The following ACSS3 variants were observed in gnomAD, a reference collection of about 807,000 sequenced individuals.
ACSS3 encodes the protein acyl-CoA synthetase short-chain family member 3, mitochondrial.
In ACSS3, 64 loss-of-function variants were observed where a neutral mutation model predicts 84.2. The observed-to-expected ratio is 0.76, with a 90% confidence interval of 0.62 to 0.94. The LOEUF (loss-of-function observed/expected upper bound fraction) is 0.94, where lower values mean the gene tolerates loss of function less well. ACSS3 is among the 40% of genes least tolerant of loss of function. The pLI is 0.00. For synonymous variants in ACSS3, 317 were observed against 310.1 expected, an observed-to-expected ratio of 1.02 and a Z score of -0.23; for missense variants, 815 against 867.6, an observed-to-expected ratio of 0.94 and a Z score of 0.76.
chr12:81,111,773 T>C (rs1300046772), intron 2 of ACSS3, among the ~76,000 whole-genome samples: 2 of 152,150 alleles, frequency 1.3e-5, no homozygotes, highest in African/African-American at 4.8e-5. Context: ...GTGACTTGCC[T>C]AAACAACCAG....
intron 9 of ACSS3, among the ~76,000 whole-genome samples, chr12:81,199,982 C>T (rs918069546): frequency 2.0e-5 from 3 of 152,192 alleles, no homozygotes; most frequent in Admixed American, 2.0e-4. Flanking sequence ...GCATTAAAGG[C>T]AGAGAAATTT....
chr12:81,200,266 A>C (rs10862262), intron 9 of ACSS3, among the ~76,000 whole-genome samples: 27,180 of 152,098 alleles, frequency 0.18, 2,759 homozygotes, highest in East Asian at 0.39. Flanking sequence ...AATTTGACTC[A>C]CTGAAAGCAG....
chr12:81,121,417 C>T (rs1275151540), intron 2 of ACSS3, among the ~76,000 whole-genome samples: 4 of 151,708 alleles, frequency 2.6e-5, no homozygotes, highest in Non-Finnish European at 5.9e-5. Context: ...TCTAAGAAAC[C>T]AATTTGGCTT....
intron 1 of ACSS3, among the ~76,000 whole-genome samples, chr12:81,104,591 G>T (rs950596657): frequency 6.6e-6 from 1 of 152,062 alleles, no homozygotes; most frequent in African/African-American, 2.4e-5. Flanking sequence ...ACCCAGCCAT[G>T]TGGGAGGACA....
Position 81,135,988 on chromosome 12 carries a change from A to G in ACSS3, c.645+984A>G, listed in dbSNP as rs1329087365. ...AATAACTAATTTGTTCATTCAACAT[A>G]TATTTTATTAAGCTCCTGCTATGTT... On this transcript the variant is annotated intron_variant, in intron 3 of 15. Transcript: ENST00000548058. Among the ~76,000 whole-genome samples, 5 of 152,270 alleles carry G rather than the reference A, an allele frequency of 3.3e-5. No homozygotes were observed. In the South Asian group the frequency reaches 8.3e-4, roughly 25 times the overall value.
intron 8 of ACSS3, among the ~76,000 whole-genome samples, chr12:81,195,145 C>G (rs1272852038): frequency 6.6e-6 from 1 of 152,050 alleles, no homozygotes; most frequent in Non-Finnish European, 1.5e-5. Context: ...TTTGCCTACA[C>G]TGCTGGGATC....
chr12:81,118,250 A>G (rs1884222236), intron 2 of ACSS3, among the ~76,000 whole-genome samples: 1 of 152,126 alleles, frequency 6.6e-6, no homozygotes, highest in African/African-American at 2.4e-5. Context: ...TAGTGGCTTA[A>G]TTTTTTAAAT....
intron 7 of ACSS3, among the ~76,000 whole-genome samples, chr12:81,170,762 C>T (rs2029974001): frequency 6.6e-6 from 1 of 152,058 alleles, no homozygotes; most frequent in African/African-American, 2.4e-5. Context: ...GTTCTAGAAT[C>T]AACGTCTTTT....
chr12:81,225,978 C>A (rs192902153), intron 11 of ACSS3, among the ~76,000 whole-genome samples: 317 of 152,030 alleles, frequency 2.1e-3, no homozygotes, highest in Non-Finnish European at 3.1e-3. Context: ...ACTAAATCAA[C>A]CTGCCTTTGT....
chr12:81,172,049 C>T (rs187997279), intron 7 of ACSS3, among the ~76,000 whole-genome samples: 1 of 152,154 alleles, frequency 6.6e-6, no homozygotes, highest in Non-Finnish European at 1.5e-5. Flanking sequence ...GGCGGATTGC[C>T]TGAGGTCAGA....
intron 2 of ACSS3, among the ~76,000 whole-genome samples, chr12:81,125,058 C>T (rs569486822): frequency 6.6e-6 from 1 of 152,104 alleles, no homozygotes; most frequent in Non-Finnish European, 1.5e-5. Context: ...ACTAAAAATA[C>T]AAAAAATTAG....
At chr12:81,222,185 A>G (rs999192965) in intron 11 of ACSS3, among the ~76,000 whole-genome samples, 1 of 152,118 alleles carries the variant, frequency 6.6e-6, no homozygotes, top group Non-Finnish European at 1.5e-5. Context: ...GTGCAGATCC[A>G]GGGTTCTGAG....
rs376704266 is a variant in ACSS3 at position 81,131,693 on chromosome 12, C to T, written c.457-3123C>T. Among the ~76,000 whole-genome samples the T allele has an allele frequency of 1.4e-4, 22 of 152,260 alleles. No homozygotes were observed. The East Asian group carries it at 3.9e-3, about 27-fold the overall frequency. The stretch of plus-strand genomic sequence containing the variant: ...ATAGGAGTGGTGAGAGAGGGCATCC[C>T]TGTCTTGTGCCAGTTTTCAAAGAGA... On this transcript the variant is annotated intron_variant, in intron 2 of 15. Coordinates refer to ENST00000548058, the MANE Select transcript of ACSS3 (RefSeq NM_024560.4).
At chr12:81,251,648 A>G (rs1373158852) in intron 13 of ACSS3, among the ~76,000 whole-genome samples, 1 of 142,284 alleles carries the variant, frequency 7.0e-6, no homozygotes, top group Non-Finnish European at 1.5e-5. Context: ...CCTAGGGAAC[A>G]TGGCGAAACC....
chr12:81,250,096 CT>C (rs2034103499), intron 13 of ACSS3, among the ~76,000 whole-genome samples: 1 of 151,940 alleles, frequency 6.6e-6, no homozygotes, highest in Non-Finnish European at 1.5e-5. Context: ...ATCACAGATG[CT>C]TCGTAGATTT....
At chr12:81,160,601 C>G (rs1038582535) in intron 7 of ACSS3, among the ~76,000 whole-genome samples, 1 of 152,198 alleles carries the variant, frequency 6.6e-6, no homozygotes, top group Non-Finnish European at 1.5e-5. Flanking sequence ...GGTTGACACA[C>G]ACTGTCTCAA....
chr12:81,238,194 A>G (rs2033686719), intron 13 of ACSS3, among the ~76,000 whole-genome samples: 1 of 151,712 alleles, frequency 6.6e-6, no homozygotes, highest in Non-Finnish European at 1.5e-5. Context: ...AGCTTTGTAT[A>G]CCTGGGGTAA....
chr12:81,085,219 T>C (rs963800668), intron 1 of ACSS3, among the ~76,000 whole-genome samples: 1 of 152,222 alleles, frequency 6.6e-6, no homozygotes, highest in African/African-American at 2.4e-5. Context: ...CTGCTACAAG[T>C]TACTGAAAGA....
chr12:81,240,726 T>G (rs1281406636), intron 13 of ACSS3, among the ~76,000 whole-genome samples: 2 of 152,090 alleles, frequency 1.3e-5, no homozygotes, highest in African/African-American at 2.4e-5. Flanking sequence ...TTTAACTTGT[T>G]GTGGTGGTTG....
Sources: allele counts gnomAD v4.1 joint callset (sites outside exome capture counted in the v4.1 genomes callset), GRCh38; gene constraint gnomAD v4.1.1; transcripts MANE v1.5; gene names NCBI Gene and HGNC (gene_info 2026-07-23, HGNC 2026-07-21).